ANXA8: variants seen among roughly 807,000 people sequenced by gnomAD.
The protein encoded by ANXA8 is annexin A8, also known as VAC-beta.
In ANXA8, 9 loss-of-function variants were observed where a neutral mutation model predicts 26.8. The ratio of observed to expected loss-of-function variants is 0.34; its 90% CI spans 0.20 to 0.59. The LOEUF (loss-of-function observed/expected upper bound fraction) is 0.59, where lower values mean the gene tolerates loss of function less well. Ranked by LOEUF, ANXA8 falls within the 20% of genes least tolerant of loss-of-function variation. ANXA8 has a pLI of 0.84. For synonymous variants in ANXA8, 39 were observed against 94.8 expected (o/e 0.41, Z 3.42); for missense variants, 83 against 238.5 (o/e 0.35, Z 4.29).
At chr10:47,522,146 G>T in the ANXA8 span, among the ~76,000 whole-genome samples, 4 of 142,798 alleles carry the variant, frequency 2.8e-5, 1 homozygote, top group Non-Finnish European at 6.1e-5. Context: ...AAGGGACAAA[G>T]GGGGAGCCAC....
the ANXA8 span, among the ~76,000 whole-genome samples, chr10:47,956,863 G>A: frequency 1.3e-5 from 2 of 150,216 alleles, no homozygotes; most frequent in African/African-American, 5.0e-5. Flanking sequence ...TCTGCTTCGA[G>A]TATAGCCTGG....
At chr10:47,528,281 G>A in the ANXA8 span, among the ~76,000 whole-genome samples, 23 of 141,662 alleles carry the variant, frequency 1.6e-4, no homozygotes, top group South Asian at 3.6e-3. Context: ...GGGTTTCAAC[G>A]TGTTAGCCAG....
the ANXA8 span, among the ~76,000 whole-genome samples, chr10:47,959,823 G>T: frequency 6.6e-6 from 1 of 150,644 alleles, no homozygotes. Context: ...ATAGAGTGAG[G>T]CATATGGTGC....
chr10:47,728,592 G>GT, the ANXA8 span, among the ~76,000 whole-genome samples: 2 of 88,074 alleles, frequency 2.3e-5, no homozygotes, highest in Admixed American at 1.2e-4. Context: ...TATTTATTCA[G>GT]TTTTTTCCAG....
the ANXA8 span, among the ~76,000 whole-genome samples, chr10:47,721,317 G>C: frequency 7.1e-6 from 1 of 140,772 alleles, no homozygotes; most frequent in East Asian, 2.8e-4. Flanking sequence ...CTTATGGGGA[G>C]GAGGGCCTTT....
chr10:47,581,852 G>A, the ANXA8 span, among the ~76,000 whole-genome samples: 1 of 150,678 alleles, frequency 6.6e-6, no homozygotes, highest in South Asian at 2.1e-4. Context: ...TGATCCGCCT[G>A]CCTTGGCCTC....
upstream of ANXA8, among the ~76,000 whole-genome samples, chr10:47,486,320 A>G (rs1840045325): frequency 6.8e-6 from 1 of 147,636 alleles, no homozygotes; most frequent in African/African-American, 2.5e-5. Context: ...AAAAATCCCA[A>G]AAACATGCAA....
chr10:47,982,492 G>A, the ANXA8 span, among the ~76,000 whole-genome samples: 1 of 145,168 alleles, frequency 6.9e-6, no homozygotes, highest in East Asian at 2.1e-4. Flanking sequence ...CTTAACAAAT[G>A]ATGCTGGGAC....
the ANXA8 span, among the ~76,000 whole-genome samples, chr10:47,726,536 A>AT: frequency 6.6e-6 from 1 of 151,470 alleles, no homozygotes; most frequent in Non-Finnish European, 1.5e-5. Flanking sequence ...GAAATATGTG[A>AT]TTATTATTTT....
chr10:47,746,267 G>A, the ANXA8 span, among the ~76,000 whole-genome samples: 88 of 66,460 alleles, frequency 1.3e-3, no homozygotes, highest in East Asian at 3.7e-3. Context: ...GAGGCAGGCG[G>A]ATTACCTGAG....
chr10:47,721,266 T>C, the ANXA8 span, among the ~76,000 whole-genome samples: 168 of 142,302 alleles, frequency 1.2e-3, 24 homozygotes, highest in Admixed American at 2.0e-3. Context: ...TTCTATTCAA[T>C]ATAAGCATTT....
At chr10:47,957,765 C>G in the ANXA8 span, among the ~76,000 whole-genome samples, 1 of 148,736 alleles carries the variant, frequency 6.7e-6, no homozygotes, top group Non-Finnish European at 1.5e-5. Context: ...AAGCTTGGCT[C>G]GTGGCTCTGA....
chr10:47,672,443 T>C, the ANXA8 span, among the ~76,000 whole-genome samples: 1 of 151,794 alleles, frequency 6.6e-6, no homozygotes, highest in Admixed American at 6.6e-5. Flanking sequence ...CTTTTTCTTT[T>C]ATAATATGCA....
At chr10:47,650,419 A>G in the ANXA8 span, among the ~76,000 whole-genome samples, 3 of 151,568 alleles carry the variant, frequency 2.0e-5, no homozygotes, top group African/African-American at 7.3e-5. Flanking sequence ...ATGGGATTAA[A>G]TATTTGCAAA....
the ANXA8 span, among the ~76,000 whole-genome samples, chr10:47,768,342 G>A: frequency 2.0e-5 from 3 of 151,520 alleles, no homozygotes; most frequent in Non-Finnish European, 4.4e-5. Flanking sequence ...AGCCATAAGA[G>A]GGCAGAAAGA....
chr10:47,637,510 A>G, the ANXA8 span, among the ~76,000 whole-genome samples: 127 of 145,990 alleles, frequency 8.7e-4, 2 homozygotes, highest in African/African-American at 3.3e-3. Flanking sequence ...ACTGCTTAGA[A>G]TTTGAAAGCA....
At chr10:47,673,820 T>G in the ANXA8 span, among the ~76,000 whole-genome samples, 2 of 150,788 alleles carry the variant, frequency 1.3e-5, no homozygotes, top group African/African-American at 2.4e-5. Context: ...TTTTAACACC[T>G]TATATTAGTA....
At chr10:47,703,036 G>A in the ANXA8 span, among the ~76,000 whole-genome samples, 7 of 149,960 alleles carry the variant, frequency 4.7e-5, no homozygotes, top group Non-Finnish European at 1.0e-4. Context: ...AGTGGTGCCA[G>A]ACAAGACATG....
At chr10:47,567,459 G>A in the ANXA8 span, among the ~76,000 whole-genome samples, 1 of 140,610 alleles carries the variant, frequency 7.1e-6, no homozygotes, top group East Asian at 2.1e-4. Context: ...CGGCCCAGGC[G>A]GGACCCAGTC....
Sources: allele counts gnomAD v4.1 joint callset (sites outside exome capture counted in the v4.1 genomes callset), GRCh38; gene constraint gnomAD v4.1.1; transcripts MANE v1.5; gene names NCBI Gene and HGNC (gene_info 2026-07-23, HGNC 2026-07-21).